The following DNMT1 variants were observed in gnomAD, a reference collection of about 807,000 sequenced individuals.
The protein encoded by DNMT1 is DNA methyltransferase 1.
Under a neutral mutation model 205.3 loss-of-function variants are expected in DNMT1, and 24 were observed. That is an observed-to-expected ratio of 0.12 (90% CI 0.08 to 0.16). The LOEUF is 0.16. Ranked by LOEUF, DNMT1 falls within the 10% of genes least tolerant of loss-of-function variation. DNMT1 has a pLI of 1.00. For missense variants in DNMT1, 1,293 were observed against 2,177.7 expected, an observed-to-expected ratio of 0.59 and a Z score of 8.09; for synonymous variants, 817 against 839.8, an observed-to-expected ratio of 0.97 and a Z score of 0.47.
intron 6 of DNMT1, among the ~76,000 whole-genome samples, chr19:10,176,732 C>T (rs559150042): frequency 7.7e-4 from 117 of 152,192 alleles, no homozygotes; most frequent in Middle Eastern, 6.8e-3. Context: ...GCGGCGCGCG[C>T]CTGTAATCCC....
intron 1 of DNMT1, among the ~76,000 whole-genome samples, chr19:10,192,069 C>T (rs2039314130): frequency 1.3e-5 from 2 of 152,030 alleles, no homozygotes; most frequent in Admixed American, 1.3e-4. Context: ...GGTGATCTGC[C>T]CATCTCAGCC....
At chr19:10,162,964 CTTTTTTTTTT>C (rs397859775) in intron 12 of DNMT1, 1 of 327,548 alleles carries the variant, frequency 3.1e-6, no homozygotes, top group Admixed American at 5.6e-5. Flanking sequence ...CTAGAACAGG[CTTTTTTTTTT>C]TTTTTTTTTT....
chr19:10,150,452 G>T (rs575849030), intron 24 of DNMT1, among the ~76,000 whole-genome samples: 20 of 152,244 alleles, frequency 1.3e-4, no homozygotes, highest in African/African-American at 4.6e-4. Context: ...CTCAGCCCAG[G>T]TGTCACCTCT....
intron 1 of DNMT1, among the ~76,000 whole-genome samples, chr19:10,191,764 C>T (rs983648755): frequency 4.0e-5 from 6 of 151,894 alleles, no homozygotes; most frequent in Non-Finnish European, 8.8e-5. Context: ...GGGAGGCCAA[C>T]GCAGAGGATT....
intron 40 of DNMT1, 49 bp downstream of exon 40, chr19:10,134,168 C>G (rs1407943799): frequency 1.9e-6 from 3 of 1,602,676 alleles, no homozygotes; most frequent in Non-Finnish European, 2.6e-6. Context: ...CACATGTACC[C>G]CCAGAGGGCA....
Position 10,137,676 on chromosome 19 carries a change from C to G in DNMT1, c.4293+156G>C, listed in dbSNP as rs553494300. 49 of 1,079,568 alleles carry G rather than the reference C, an allele frequency of 4.5e-5. 2 individuals carry two copies. The South Asian group carries it at 6.3e-4, about 14-fold the overall frequency. The allele number at this position is 1,079,568 out of a possible 1,614,324, so 66.9% of individuals were successfully genotyped here. On this transcript the variant is annotated intron_variant, in intron 36 of 40. Transcript: ENST00000359526. The surrounding 1 kb of genome is among the most constrained non-coding windows in gnomAD (Gnocchi z 6.4). ...AGCTCTGACACTTCCCATGACCATG[C>G]AAGAGAGACCAGGGGTCACACAAAG...
intron 2 of DNMT1, 70 bp downstream of exon 2, chr19:10,181,971 T>C: frequency 7.1e-7 from 1 of 1,411,226 alleles, no homozygotes; most frequent in Non-Finnish European, 9.9e-7. Context: ...AGAAAACAAA[T>C]TTCTTTTTAT....
At chr19:10,164,913 T>TAAAAAAAAAAA (rs535161745) in intron 11 of DNMT1, among the ~76,000 whole-genome samples, 3 of 34,042 alleles carry the variant, frequency 8.8e-5, no homozygotes, top group Non-Finnish European at 1.4e-4. Context: ...GAGACTATCT[T>TAAAAAAAAAAA]AAAAAAAAAA....
chr19:10,161,698 G>C (rs1286398937), intron 13 of DNMT1, among the ~76,000 whole-genome samples: 1 of 152,148 alleles, frequency 6.6e-6, no homozygotes, highest in Non-Finnish European at 1.5e-5. Flanking sequence ...GGGGTATACA[G>C]ACCGAGTCAT....
intron 40 of DNMT1, among the ~76,000 whole-genome samples, chr19:10,134,007 G>T (rs757688587): frequency 2.2e-4 from 34 of 152,198 alleles, no homozygotes; most frequent in Non-Finnish European, 7.3e-5. Context: ...CTGACCAAAG[G>T]CCTGCTGTGT....
chr19:10,138,722 C>T lies in DNMT1; in HGVS notation c.3949-117G>A. 1 of 1,335,388 alleles carries T rather than the reference C, an allele frequency of 7.5e-7. No homozygotes were observed. Among genetic ancestry groups the T allele is most frequent in the Non-Finnish European group, 1.0e-6 (1 of 985,312 alleles). 82.7% of individuals were successfully genotyped at this position (1,335,388 alleles called of 1,614,324 possible). ...GGGAGTGGCTGGCCAATGCGGAGTG[C>T]ACTTGCAGAAATCCCCAGTTACCTC... On this transcript the variant is annotated intron_variant, in intron 34 of 40. Transcript: ENST00000359526. This position sits in a 1 kb window ranked among gnomAD's most constrained non-coding sequence, Gnocchi z 4.1.
At chr19:10,182,017 GAA>G (rs748073073) in intron 2 of DNMT1, 22 bp downstream of exon 2, 2 of 1,608,486 alleles carry the variant, frequency 1.2e-6, no homozygotes, top group Admixed American at 3.3e-5. Context: ...TTGGTAATAA[GAA>G]AAATTTTAAG....
At chr19:10,194,488 A>G (rs1446009011) in intron 1 of DNMT1, 3 of 225,918 alleles carry the variant, frequency 1.3e-5, no homozygotes, top group African/African-American at 4.6e-5. Flanking sequence ...TGGAGTCAAG[A>G]GCCCGGCCCA....
At position 10,137,380 on chromosome 19, in the gene DNMT1, C is replaced by T; in HGVS notation, c.4294-100G>A. 7 of 1,421,172 alleles carry T rather than the reference C, an allele frequency of 4.9e-6. No homozygotes were observed. The highest frequency in any genetic ancestry group is 6.7e-6 in the Non-Finnish European group (7 of 1,046,048). The allele number at this position is 1,421,172 out of a possible 1,614,324, so 88.0% of individuals were successfully genotyped here. On this transcript the variant is annotated intron_variant, in intron 36 of 40. Transcript: ENST00000359526. The surrounding 1 kb of genome is among the most constrained non-coding windows in gnomAD (Gnocchi z 6.4). ...GGAACACCATGGTGACCAGGAAGCCCCCTGGGGCTCACGCCCATCGGGAAA... is the reference window on the plus strand; with the variant it reads ...GGAACACCATGGTGACCAGGAAGCCTCCTGGGGCTCACGCCCATCGGGAAA...
In DNMT1 at chr19:10,139,949, G is replaced by A. The variant is rs1483096485; in HGVS notation, c.3806+97C>T. 3.8e-6 allele frequency: 6 copies of A among 1,595,064 alleles called. No individual in the cohort carries two copies. The African/African-American group carries it at 5.4e-5, about 14-fold the overall frequency. On this transcript the variant is annotated intron_variant, in intron 33 of 40. Coordinates refer to ENST00000359526, the MANE Select transcript of DNMT1 (RefSeq NM_001130823.3). The stretch of plus-strand genomic sequence containing the variant: ...TGAGAGCTGAGCTGTGAGCTTCCGG[G>A]GGGCAGAGGCCTCAGTGCAGGGCGA...
At chr19:10,194,483 T>G in intron 1 of DNMT1, 1 of 212,528 alleles carries the variant, frequency 4.7e-6, no homozygotes. Flanking sequence ...CAAGCTGGAG[T>G]CAAGAGCCCG....
intron 27 of DNMT1, among the ~76,000 whole-genome samples, chr19:10,147,335 G>A (rs1205065194): frequency 6.6e-6 from 1 of 151,730 alleles, no homozygotes; most frequent in Non-Finnish European, 1.5e-5. Flanking sequence ...ATGAGGTTGG[G>A]TGCAGTAGTT....
intron 1 of DNMT1, among the ~76,000 whole-genome samples, chr19:10,190,877 C>T (rs1406194121): frequency 1.3e-5 from 2 of 152,070 alleles, no homozygotes; most frequent in African/African-American, 4.8e-5. Context: ...TTTTGGGAGG[C>T]TAAGATAAGT....
At position 10,146,454 on chromosome 19, in the gene DNMT1, C is replaced by T. The variant is rs767511749; in HGVS notation, c.2791G>A (p.Glu931Lys). The T allele has an allele frequency of 7.4e-6, 12 of 1,614,008 alleles. No individual in the cohort carries two copies. The highest frequency in any genetic ancestry group is 1.3e-5 in the African/African-American group (1 of 74,914). The change falls in exon 28 of 41, where the codon GAG becomes AAG. Residue 931 changes from glutamate to lysine, a missense_variant. Physicochemically the swap from Glu to Lys is moderately conservative, Grantham distance 56. Transcript: ENST00000359526. This position sits in a 1 kb window ranked among gnomAD's most constrained non-coding sequence, Gnocchi z 4.4. ...TAGAGGACCCGGCTATCCAGGTCCT[C>T]GAGCTGCTCCAGGACCCTGGGGATT... ...KEIPRVLEQL[E>K]DLDSRVLYYS...
Sources: allele counts gnomAD v4.1 joint callset (sites outside exome capture counted in the v4.1 genomes callset), GRCh38; gene constraint gnomAD v4.1.1; non-coding constraint Gnocchi (gnomAD v3.1); transcripts MANE v1.5; gene names NCBI Gene and HGNC (gene_info 2026-07-23, HGNC 2026-07-21).